Variants in BRD10 observed in about 807,000 individuals in gnomAD.
BRD10 encodes bromodomain containing 10.
the BRD10 span, among the ~76,000 whole-genome samples, chr9:5,886,841 G>T: frequency 6.6e-6 from 1 of 152,194 alleles, no homozygotes; most frequent in East Asian, 1.9e-4. Context: ...TTGAAGAAGC[G>T]ATCGCCAGCT....
chr9:5,953,315 G>T, the BRD10 span, among the ~76,000 whole-genome samples: 2 of 152,008 alleles, frequency 1.3e-5, no homozygotes, highest in Non-Finnish European at 2.9e-5. Flanking sequence ...CGTTTTTAAA[G>T]AAAGTGTTTA....
the BRD10 span, among the ~76,000 whole-genome samples, chr9:5,971,756 G>C: frequency 3.3e-5 from 5 of 152,100 alleles, no homozygotes; most frequent in African/African-American, 9.7e-5. Context: ...GAGGATGGTA[G>C]TGGGCAGGTA....
At chr9:5,977,923 T>G in the BRD10 span, among the ~76,000 whole-genome samples, 6 of 152,148 alleles carry the variant, frequency 3.9e-5, no homozygotes, top group African/African-American at 9.7e-5. Flanking sequence ...TTTAAAAAAT[T>G]TATCCAAAAG....
At chr9:5,922,182 C>A in the BRD10 span, 1 of 1,614,002 alleles carries the variant, frequency 6.2e-7, no homozygotes, top group Admixed American at 1.7e-5. Flanking sequence ...CTTATGCACA[C>A]AGTTTTCAGC....
chr9:5,965,250 C>T, the BRD10 span, among the ~76,000 whole-genome samples: 1 of 151,396 alleles, frequency 6.6e-6, no homozygotes, highest in Non-Finnish European at 1.5e-5. Flanking sequence ...CATCCCAAAG[C>T]GTATTCTACA....
the BRD10 span, among the ~76,000 whole-genome samples, chr9:5,966,572 G>A: frequency 2.1e-5 from 3 of 140,572 alleles, no homozygotes; most frequent in African/African-American, 5.3e-5. Flanking sequence ...CAATTCTCCT[G>A]CCTTAGCCTC....
At chr9:5,942,415 T>C in the BRD10 span, among the ~76,000 whole-genome samples, 2 of 152,148 alleles carry the variant, frequency 1.3e-5, no homozygotes, top group Admixed American at 1.3e-4. Flanking sequence ...ACATAACATA[T>C]AACATAACGT....
At chr9:5,887,142 C>G in the BRD10 span, among the ~76,000 whole-genome samples, 1 of 152,124 alleles carries the variant, frequency 6.6e-6, no homozygotes, top group Non-Finnish European at 1.5e-5. Flanking sequence ...ACCTGTGGTC[C>G]CAGCTACTCA....
chr9:5,984,007 C>A, the BRD10 span, among the ~76,000 whole-genome samples: 1 of 99,158 alleles, frequency 1.0e-5, no homozygotes, highest in East Asian at 2.9e-4. Flanking sequence ...ACACACACAC[C>A]CCTCTCCATC....
chr9:5,914,120 T>C, the BRD10 span: 3 of 431,742 alleles, frequency 6.9e-6, no homozygotes, highest in Middle Eastern at 6.7e-4. Context: ...CAGTTTAAAT[T>C]TCAGGTTTTC....
chr9:5,914,900 A>G, the BRD10 span, among the ~76,000 whole-genome samples: 7 of 152,134 alleles, frequency 4.6e-5, no homozygotes, highest in African/African-American at 1.4e-4. Context: ...GGCCATTTAT[A>G]TATGCTATGA....
the BRD10 span, among the ~76,000 whole-genome samples, chr9:5,893,646 C>T: frequency 6.6e-6 from 1 of 152,162 alleles, no homozygotes; most frequent in African/African-American, 2.4e-5. Flanking sequence ...GTTAGGGTAT[C>T]GTTTCAGCTT....
the BRD10 span, chr9:5,908,558 T>C: frequency 8.5e-7 from 1 of 1,181,502 alleles, no homozygotes; most frequent in Non-Finnish European, 1.3e-6. Context: ...AGTATAAATA[T>C]GTTAACTATT....
chr9:5,920,473 G>A, the BRD10 span: 6 of 1,613,888 alleles, frequency 3.7e-6, no homozygotes, highest in Admixed American at 3.3e-5. Flanking sequence ...GAGCAGAACT[G>A]TAACTGGGGG....
the BRD10 span, chr9:5,968,909 T>C: frequency 6.2e-7 from 1 of 1,612,948 alleles, no homozygotes; most frequent in Non-Finnish European, 8.5e-7. Flanking sequence ...AACTTCCTTT[T>C]GTGTTTCATA....
At chr9:5,982,639 G>A in the BRD10 span, among the ~76,000 whole-genome samples, 1 of 152,194 alleles carries the variant, frequency 6.6e-6, no homozygotes, top group African/African-American at 2.4e-5. Context: ...TGTACTCCCT[G>A]ACCTTGGACT....
At chr9:5,898,094 G>A in the BRD10 span, 425 of 167,096 alleles carry the variant, frequency 2.5e-3, 3 homozygotes, top group African/African-American at 9.7e-3. Flanking sequence ...ATCCTGGGAT[G>A]GAGCGCAGTG....
chr9:6,008,464 A>T, the BRD10 span, among the ~76,000 whole-genome samples: 676 of 151,396 alleles, frequency 4.5e-3, 7 homozygotes, highest in African/African-American at 0.016. Flanking sequence ...CCCTGTCGCC[A>T]TCCCCGGTGC....
At chr9:5,914,409 G>GGTT in the BRD10 span, among the ~76,000 whole-genome samples, 3 of 106,924 alleles carry the variant, frequency 2.8e-5, no homozygotes, top group African/African-American at 3.6e-5. Context: ...AAATCCAGAT[G>GGTT]GTTTTTTTTT....
Sources: allele counts gnomAD v4.1 joint callset (sites outside exome capture counted in the v4.1 genomes callset), GRCh38; gene constraint gnomAD v4.1.1; transcripts MANE v1.5; gene names NCBI Gene and HGNC (gene_info 2026-07-23, HGNC 2026-07-21).